Variants in CPED1 observed in about 807,000 individuals in gnomAD.
CPED1 encodes cadherin-like and PC-esterase domain-containing protein 1.
In CPED1, 114 loss-of-function variants were observed where a neutral mutation model predicts 128.2. The observed-to-expected ratio is 0.89, with a 90% CI of 0.76 to 1.04. The LOEUF (loss-of-function observed/expected upper bound fraction) is 1.04. Ranked by LOEUF, CPED1 falls within the 50% of genes least tolerant of loss-of-function variation. The pLI, the probability that CPED1 is intolerant of heterozygous loss-of-function variation, is 0.00. For missense variants in CPED1, 1,211 were observed against 1,207.1 expected (o/e 1.00, Z -0.05); for synonymous variants, 462 against 426.7 (o/e 1.08, Z -1.02).
At chr7:121,206,961 T>A (rs1797531118) in intron 16 of CPED1, among the ~76,000 whole-genome samples, 1 of 151,994 alleles carries the variant, frequency 6.6e-6, no homozygotes, top group African/African-American at 2.4e-5. Flanking sequence ...TATACACACC[T>A]GCATACATTT....
At chr7:121,004,289 A>G (rs1791947422) in intron 2 of CPED1, among the ~76,000 whole-genome samples, 1 of 152,150 alleles carries the variant, frequency 6.6e-6, no homozygotes, top group Non-Finnish European at 1.5e-5. Context: ...ACAATGTTAA[A>G]CAGTTGAAAT....
At chr7:121,085,860 T>C (rs961796206) in intron 5 of CPED1, among the ~76,000 whole-genome samples, 1 of 152,222 alleles carries the variant, frequency 6.6e-6, no homozygotes, top group African/African-American at 2.4e-5. Flanking sequence ...TCATGGTGTG[T>C]TTAGTACCCC....
chr7:121,193,573 T>C (rs1797195756), intron 16 of CPED1, among the ~76,000 whole-genome samples: 1 of 152,082 alleles, frequency 6.6e-6, no homozygotes, highest in Admixed American at 6.6e-5. Flanking sequence ...CATGATATGC[T>C]CCAAGATTCT....
chr7:121,048,039 A>G (rs79509559), intron 4 of CPED1, among the ~76,000 whole-genome samples: 160 of 151,594 alleles, frequency 1.1e-3, no homozygotes, highest in African/African-American at 3.6e-3. Context: ...CGCTTTTGTG[A>G]CTCCATGTAC....
At chr7:121,102,253 T>C (rs1158196534) in intron 7 of CPED1, among the ~76,000 whole-genome samples, 4 of 152,196 alleles carry the variant, frequency 2.6e-5, no homozygotes, top group African/African-American at 9.6e-5. Flanking sequence ...TAGCATGATA[T>C]ATATTGTTCA....
chr7:121,119,881 C>T (rs1238111561), intron 7 of CPED1, among the ~76,000 whole-genome samples: 1 of 152,092 alleles, frequency 6.6e-6, no homozygotes, highest in African/African-American at 2.4e-5. Flanking sequence ...ATACATTTGA[C>T]TACTCTAGAT....
intron 5 of CPED1, among the ~76,000 whole-genome samples, chr7:121,086,776 G>T (rs1195026166): frequency 6.6e-6 from 1 of 152,212 alleles, no homozygotes; most frequent in Non-Finnish European, 1.5e-5. Context: ...CAAATCATTT[G>T]ATGGATAAGG....
rs1353966424 is a variant in CPED1 at position 121,129,333 on chromosome 7, A to G, written c.1408-792A>G. On this transcript the variant is annotated intron_variant, in intron 11 of 22. Coordinates refer to ENST00000310396, the MANE Select transcript of CPED1 (RefSeq NM_024913.5). ...TATACGTATATATATATATATATAT[A>G]TACGTATATATATATATACATACAT... Among the ~76,000 whole-genome samples, 4 of 130,866 alleles carry G rather than the reference A, an allele frequency of 3.1e-5. No homozygotes were observed. The Admixed American group carries it at 3.1e-4, about 10-fold the overall frequency. 85.9% of individuals were successfully genotyped at this position (130,866 alleles called of 152,430 possible).
chr7:121,292,948 G>T (rs1466077118), intron 22 of CPED1, among the ~76,000 whole-genome samples: 1 of 152,154 alleles, frequency 6.6e-6, no homozygotes, highest in Non-Finnish European at 1.5e-5. Context: ...TGTATGAGGT[G>T]TCTGTCGACC....
In CPED1 at chr7:121,050,614, C is replaced by T. The variant is rs1793325082; in HGVS notation, c.540+3621C>T. On this transcript the variant is annotated intron_variant, in intron 4 of 22. Coordinates refer to ENST00000310396, the MANE Select transcript of CPED1 (RefSeq NM_024913.5). ...GAGCAGCTGGGATTACAGGCGTCTG[C>T]CACCACACCCAGCTAATTTTTTGTA... 1.3e-5 allele frequency among the ~76,000 whole-genome samples: 2 copies of T among 152,208 alleles called. 1 individual carries two copies. Among genetic ancestry groups the T allele is most frequent in the Admixed American group, 1.3e-4 (2 of 15,294 alleles).
At chr7:121,197,523 G>C (rs1264605398) in intron 16 of CPED1, among the ~76,000 whole-genome samples, 1 of 152,096 alleles carries the variant, frequency 6.6e-6, no homozygotes, top group Non-Finnish European at 1.5e-5. Flanking sequence ...AGGAAACTAA[G>C]GCACAGGGAG....
intron 5 of CPED1, among the ~76,000 whole-genome samples, chr7:121,091,492 T>G (rs1254342210): frequency 6.6e-6 from 1 of 152,180 alleles, no homozygotes; most frequent in Non-Finnish European, 1.5e-5. Flanking sequence ...CTGTTAGTGT[T>G]AAACTCAAAA....
Position 121,295,664 on chromosome 7 carries a change from G to A in CPED1, c.*12G>A, listed in dbSNP as rs758293009. On this transcript the variant is annotated 3_prime_UTR_variant, in exon 23 of 23. Coordinates refer to ENST00000310396, the MANE Select transcript of CPED1 (RefSeq NM_024913.5). ...AAAGGACTATGTAGGCTCCCTGCAG[G>A]AGAGCTGAATCTGGAGCTGGAGACG... The A allele has an allele frequency of 1.2e-6, 2 of 1,610,658 alleles. No homozygotes were observed. Among genetic ancestry groups the A allele is most frequent in the South Asian group, 1.1e-5 (1 of 90,802 alleles).
intron 16 of CPED1, among the ~76,000 whole-genome samples, chr7:121,182,358 T>C (rs1366849211): frequency 1.3e-5 from 2 of 152,188 alleles, no homozygotes; most frequent in East Asian, 3.9e-4. Flanking sequence ...AGAAGTTCAC[T>C]TAATAGAGAC....
intron 18 of CPED1, among the ~76,000 whole-genome samples, chr7:121,264,803 A>G (rs1436045388): frequency 5.3e-5 from 8 of 152,116 alleles, no homozygotes; most frequent in Non-Finnish European, 1.0e-4. Flanking sequence ...ATTAGAAGGG[A>G]TTGTCTATGA....
chr7:121,091,146 G>A (rs1794562888), intron 5 of CPED1, among the ~76,000 whole-genome samples: 1 of 150,168 alleles, frequency 6.7e-6, no homozygotes, highest in Non-Finnish European at 1.5e-5. Context: ...ACAAAATACA[G>A]AGGAAGAGAC....
rs1585051860 is a variant in CPED1, at chr7:121,070,608, C to A, written c.616+6295C>A. ...TTTGCATTTTTATAAAAGAAGCTTGCAAACCCAATGAATTTCTAATTGGTA... is the reference window on the plus strand; with the variant it reads ...TTTGCATTTTTATAAAAGAAGCTTGAAAACCCAATGAATTTCTAATTGGTA... On this transcript the variant is annotated intron_variant, in intron 5 of 22. Transcript: ENST00000310396. 3.3e-5 allele frequency among the ~76,000 whole-genome samples: 5 copies of A among 152,222 alleles called. No homozygotes were observed. In the East Asian group the frequency reaches 5.8e-4, roughly 18 times the overall value.
intron 2 of CPED1, among the ~76,000 whole-genome samples, chr7:121,014,565 T>A (rs10267398): frequency 0.47 from 64,694 of 136,658 alleles, 16,764 homozygotes; most frequent in South Asian, 0.68. Flanking sequence ...AAAAAAATAA[T>A]AATAATAATA....
chr7:121,117,268 T>G (rs546067776), intron 7 of CPED1, among the ~76,000 whole-genome samples: 1 of 151,564 alleles, frequency 6.6e-6, no homozygotes, highest in African/African-American at 2.4e-5. Context: ...GCCGGGCTAC[T>G]TTTTGTATTT....
Sources: allele counts gnomAD v4.1 joint callset (sites outside exome capture counted in the v4.1 genomes callset), GRCh38; gene constraint gnomAD v4.1.1; transcripts MANE v1.5; gene names NCBI Gene and HGNC (gene_info 2026-07-23, HGNC 2026-07-21).